Variants in PCLO observed in about 807,000 individuals in gnomAD.
PCLO encodes the protein piccolo presynaptic cytomatrix protein, also known as protein piccolo.
PCLO carries 82 observed loss-of-function variants against 427.5 expected under a neutral mutation model. The ratio of observed to expected loss-of-function variants is 0.19; its 90% CI spans 0.16 to 0.23. The LOEUF is 0.23. Ranked by LOEUF, PCLO falls within the 10% of genes least tolerant of loss-of-function variation. PCLO has a pLI of 1.00. For missense variants in PCLO, 6,239 were observed against 6,115.9 expected (o/e 1.02, Z -0.67); for synonymous variants, 2,357 against 2,155.4 (o/e 1.09, Z -2.59).
At chr7:82,764,875 G>A (rs1790500979) in intron 22 of PCLO, among the ~76,000 whole-genome samples, 2 of 151,844 alleles carry the variant, frequency 1.3e-5, no homozygotes, top group Non-Finnish European at 3.0e-5. Context: ...CAAGGCAAGT[G>A]AACTAAAAAA....
intron 22 of PCLO, among the ~76,000 whole-genome samples, chr7:82,762,973 C>T (rs1038517991): frequency 1.3e-5 from 2 of 152,010 alleles, no homozygotes; most frequent in Non-Finnish European, 2.9e-5. Context: ...TAGGGTCTCA[C>T]TCTGTCGCTC....
intron 3 of PCLO, among the ~76,000 whole-genome samples, chr7:82,977,379 TTTTTATTTA>T: frequency 8.5e-6 from 1 of 117,238 alleles, no homozygotes; most frequent in South Asian, 3.0e-4. Flanking sequence ...AAATTCATCT[TTTTTATTTA>T]TTTATTTATT....
At chr7:83,088,357 T>C (rs760264915) in intron 3 of PCLO, among the ~76,000 whole-genome samples, 1 of 152,232 alleles carries the variant, frequency 6.6e-6, no homozygotes, top group Non-Finnish European at 1.5e-5. Context: ...TGTGTGTATC[T>C]GGAACCCAAA....
rs200025640 is a variant in PCLO, at chr7:82,953,615, T to C, written c.7338A>G (p.Ala2446=). Reference sequence around the variant, plus strand: ...GAGGTGTAGCTGTAGTCACTGGAGATGCAACTGTTAACTTTTTTTTAGGAA... The same window carrying C: ...GAGGTGTAGCTGTAGTCACTGGAGACGCAACTGTTAACTTTTTTTTAGGAA... ...TILPKKKLTV[A]SPVTTATPLF... is the part of the protein sequence containing the mutation. Residue 2446 remains alanine (A), a synonymous_variant, in exon 5 of 25, where the codon GCA becomes GCG. Transcript: ENST00000333891. The C allele has an allele frequency of 1.2e-6, 2 of 1,610,992 alleles. No homozygotes were observed. Among genetic ancestry groups the C allele is most frequent in the Non-Finnish European group, 1.7e-6 (2 of 1,179,104 alleles).
At position 83,135,661 on chromosome 7, in the gene PCLO, A is replaced by G. The variant is rs193273029; in HGVS notation, c.1894-5T>C. On this transcript the variant is annotated splice_polypyrimidine_tract_variant and splice_region_variant and intron_variant, in intron 2 of 24. Transcript: ENST00000333891. ...CAAACAGAGCCACTCTTTTACCTAC[A>G]AATAATATAAAACAATGGTCACCGA... 834 of 1,548,076 alleles carry G rather than the reference A, an allele frequency of 5.4e-4. 6 individuals are homozygous for G. In the African/African-American group the frequency reaches 0.01, roughly 19 times the overall value.
intron 3 of PCLO, among the ~76,000 whole-genome samples, chr7:83,008,322 C>T (rs1255764966): frequency 1.3e-5 from 2 of 151,444 alleles, no homozygotes; most frequent in Non-Finnish European, 3.0e-5. Context: ...TGTTAAAAAC[C>T]GGTTAATATA....
intron 6 of PCLO, among the ~76,000 whole-genome samples, chr7:82,919,359 A>G (rs116220415): frequency 0.01 from 1,540 of 152,100 alleles, 28 homozygotes; most frequent in African/African-American, 0.036. Flanking sequence ...AAGGTAATGG[A>G]GTGAATGTGT....
chr7:82,906,505 T>C (rs1240212988), intron 8 of PCLO, among the ~76,000 whole-genome samples: 1 of 152,076 alleles, frequency 6.6e-6, no homozygotes, highest in Non-Finnish European at 1.5e-5. Flanking sequence ...GCAAAAAGCA[T>C]GAATTTTGAA....
chr7:82,915,557 A>C lies in PCLO; in HGVS notation c.12429T>G (p.Ala4143=). 6.2e-7 allele frequency: 1 copy of C among 1,613,778 alleles called. No individual in the cohort carries two copies. The highest frequency in any genetic ancestry group is 8.5e-7 in the Non-Finnish European group (1 of 1,179,744). The part of the protein sequence containing the change: ...RRGTESLDHL[A]GLSHYYHADT... ...CAGCATGGTAATAATGAGAAAGACC[A>C]GCAAGGTGATCTAAGCTCTCTGTCC... Residue 4143 remains alanine, a synonymous_variant, in exon 7 of 25, where the codon GCT becomes GCG. Coordinates refer to ENST00000333891, the MANE Select transcript of PCLO (RefSeq NM_033026.6).
intron 3 of PCLO, among the ~76,000 whole-genome samples, chr7:83,047,008 T>C (rs1480254937): frequency 6.6e-6 from 1 of 152,066 alleles, no homozygotes; most frequent in African/African-American, 2.4e-5. Context: ...TATAGTATCT[T>C]AACCTGTTCT....
intron 2 of PCLO, among the ~76,000 whole-genome samples, chr7:83,145,303 G>A (rs1474940119): frequency 6.6e-6 from 1 of 151,878 alleles, no homozygotes; most frequent in Non-Finnish European, 1.5e-5. Context: ...ATGTATGAAG[G>A]AAAAAACAAG....
chr7:82,769,437 A>G (rs961932764), intron 22 of PCLO, among the ~76,000 whole-genome samples: 1 of 152,112 alleles, frequency 6.6e-6, no homozygotes, highest in African/African-American at 2.4e-5. Context: ...TTGAGAAGAT[A>G]TTTCTTTTTT....
At chr7:83,117,484 T>A (rs1791163493) in intron 3 of PCLO, among the ~76,000 whole-genome samples, 1 of 152,212 alleles carries the variant, frequency 6.6e-6, no homozygotes, top group Admixed American at 6.5e-5. Flanking sequence ...TGGCCACTTT[T>A]TATCCTGGCC....
In PCLO at chr7:83,017,728, A is replaced by T. The variant is rs917891466; in HGVS notation, c.3301-51241T>A. Among the ~76,000 whole-genome samples the T allele has an allele frequency of 1.3e-5, 2 of 152,036 alleles. 1 individual carries two copies. Among genetic ancestry groups the T allele is most frequent in the Non-Finnish European group, 2.9e-5 (2 of 67,956 alleles). The stretch of plus-strand genomic sequence containing the variant: ...CCATTTTCAGAGAAAAGAGACATTT[A>T]AAAAAACTATAAACCACCCATTTGA... On this transcript the variant is annotated intron_variant, in intron 3 of 24. Coordinates refer to ENST00000333891, the MANE Select transcript of PCLO (RefSeq NM_033026.6).
At chr7:82,841,656 G>T in intron 13 of PCLO, 147 bp from the exon 14 acceptor site, 1 of 602,516 alleles carries the variant, frequency 1.7e-6, no homozygotes. Context: ...TCAGAATAAT[G>T]GTGTCTACTT....
rs770728158 is a variant in PCLO, at chr7:82,914,923, C to T, written c.13063G>A (p.Ala4355Thr). The T allele has an allele frequency of 2.5e-6, 4 of 1,613,590 alleles. No individual in the cohort carries two copies. The highest frequency in any genetic ancestry group is 3.4e-6 in the Non-Finnish European group (4 of 1,179,734). Residue 4355 changes from alanine to threonine, a missense_variant, in exon 7 of 25, where the codon GCC becomes ACC. Physicochemically the swap from Ala to Thr is moderately conservative, Grantham distance 58. This residue lies in a region of PCLO where 680 missense variants were observed against 677.3 expected (regional missense o/e 1.00). Transcript: ENST00000333891. Reference sequence around the variant, plus strand: ...GGGCTTTCTTCTTCAGAATTCTGGGCCACAATTGGTATTCTTCCTCTACTT... The same window carrying T: ...GGGCTTTCTTCTTCAGAATTCTGGGTCACAATTGGTATTCTTCCTCTACTT... ...SQSRGRIPIV[A>T]QNSEEESPLS...
chr7:82,855,729 A>T (rs962094346), intron 10 of PCLO, among the ~76,000 whole-genome samples: 1 of 152,122 alleles, frequency 6.6e-6, no homozygotes, highest in Non-Finnish European at 1.5e-5. Flanking sequence ...AGAAGAGAAG[A>T]CAATGTCGTA....
chr7:82,952,037 G>T lies in PCLO; in HGVS notation c.8916C>A (p.Asp2972Glu), dbSNP rs747357924. 1 of 1,613,776 alleles carries T rather than the reference G, an allele frequency of 6.2e-7. No individual in the cohort carries two copies. The highest frequency in any genetic ancestry group is 8.5e-7 in the Non-Finnish European group (1 of 1,179,858). Reference protein sequence around the residue: ...LPEDRFGYRDDHYQYDRSGPY... With the variant: ...LPEDRFGYRDEHYQYDRSGPY... ...GCCCTGATCGATCATACTGATAGTGGTCATCCCTATAACCAAAACGATCCT... is the reference window on the plus strand; with the variant it reads ...GCCCTGATCGATCATACTGATAGTGTTCATCCCTATAACCAAAACGATCCT... Residue 2972 changes from aspartate to glutamate, a missense_variant, in exon 5 of 25, where the codon GAC becomes GAA. Transcript: ENST00000333891.
Position 82,950,790 on chromosome 7 carries a change from G to A in PCLO, c.9798C>T (p.His3266=), listed in dbSNP as rs777081533. ...GCTCTTCTTCTTGCTGAAAGAGAAG[G>A]TGTTGCTTCATAGACTGCAGCTCCT... ...KLEELQSMKQ[H]LLFQQEEERQ... Residue 3266 remains histidine, a synonymous_variant, in exon 6 of 25, where the codon CAC becomes CAT. Transcript: ENST00000333891. 9.3e-6 allele frequency: 15 copies of A among 1,613,690 alleles called. No homozygotes were observed. Among genetic ancestry groups the A allele is most frequent in the Non-Finnish European group, 1.1e-5 (13 of 1,179,792 alleles).
Sources: allele counts gnomAD v4.1 joint callset (sites outside exome capture counted in the v4.1 genomes callset), GRCh38; gene constraint gnomAD v4.1.1; regional missense constraint gnomAD v4.1.1; transcripts MANE v1.5; gene names NCBI Gene and HGNC (gene_info 2026-07-23, HGNC 2026-07-21).